Variants in ZSCAN25 observed in about 807,000 individuals in gnomAD.
ZSCAN25 encodes the protein zinc finger and SCAN domain-containing protein 25.
A neutral mutation model predicts 38.7 loss-of-function variants in ZSCAN25; 27 were observed. The ratio of observed to expected loss-of-function variants is 0.70; its 90% CI spans 0.51 to 0.96. ZSCAN25 has a LOEUF of 0.96. Among genes scored for constraint, ZSCAN25 ranks in the 40% least tolerant of loss-of-function variants. The pLI, the probability that ZSCAN25 is intolerant of heterozygous loss-of-function variation, is 0.00. For missense variants in ZSCAN25, 637 were observed against 705.9 expected (o/e 0.90, Z 1.11); for synonymous variants, 273 against 277.7 (o/e 0.98, Z 0.17).
the ZSCAN25 span, among the ~76,000 whole-genome samples, chr7:99,686,787 G>T: frequency 6.6e-6 from 1 of 152,010 alleles, no homozygotes; most frequent in African/African-American, 2.4e-5. Context: ...CACCTCACAC[G>T]GCCAGGTACT....
chr7:99,725,607 C>G, the ZSCAN25 span, among the ~76,000 whole-genome samples: 1 of 152,236 alleles, frequency 6.6e-6, no homozygotes, highest in Non-Finnish European at 1.5e-5. Flanking sequence ...AAGCCGTGCC[C>G]TGTCTGTGTG....
At chr7:99,706,440 T>C in the ZSCAN25 span, among the ~76,000 whole-genome samples, 1 of 152,294 alleles carries the variant, frequency 6.6e-6, no homozygotes, top group African/African-American at 2.4e-5. Context: ...AAGCCACAAA[T>C]AATGTGGAAT....
At chr7:99,663,894 A>G in the ZSCAN25 span, 5 of 1,491,926 alleles carry the variant, frequency 3.4e-6, no homozygotes, top group Non-Finnish European at 3.5e-6. Context: ...ATACAGATAC[A>G]TGCTCTATCA....
intron 7 of ZSCAN25, among the ~76,000 whole-genome samples, chr7:99,628,205 A>G (rs1473822372): frequency 6.6e-6 from 1 of 152,244 alleles, no homozygotes; most frequent in East Asian, 1.9e-4. Flanking sequence ...TATTTTCATG[A>G]AAAGTTTACA....
At chr7:99,646,821 C>T in the ZSCAN25 span, among the ~76,000 whole-genome samples, 28 of 151,886 alleles carry the variant, frequency 1.8e-4, no homozygotes, top group East Asian at 5.2e-3. Context: ...CACACACACA[C>T]ACACACACAC....
the ZSCAN25 span, chr7:99,679,897 C>T: frequency 1.4e-5 from 22 of 1,613,730 alleles, no homozygotes; most frequent in Non-Finnish European, 1.8e-5. Context: ...TGAGGTCCAT[C>T]GCCACTTTCC....
the ZSCAN25 span, chr7:99,685,011 G>C: frequency 1.5e-6 from 1 of 663,508 alleles, no homozygotes; most frequent in South Asian, 1.8e-5. Context: ...CAGAATCCCT[G>C]GTTATTTATG....
At chr7:99,720,413 C>T in the ZSCAN25 span, 3 of 1,613,474 alleles carry the variant, frequency 1.9e-6, no homozygotes, top group Non-Finnish European at 2.5e-6. Flanking sequence ...GTCATAAATA[C>T]TGTGTGGAGA....
At chr7:99,662,094 CA>C in the ZSCAN25 span, among the ~76,000 whole-genome samples, 216 of 152,204 alleles carry the variant, frequency 1.4e-3, 1 homozygote, top group African/African-American at 4.4e-3. This position sits in a 1 kb window ranked among gnomAD's most constrained non-coding sequence, Gnocchi z 4.3. Flanking sequence ...GATAGATAGA[CA>C]GACAGAAGTA....
At chr7:99,709,891 G>A in the ZSCAN25 span, among the ~76,000 whole-genome samples, 2 of 152,070 alleles carry the variant, frequency 1.3e-5, no homozygotes, top group Non-Finnish European at 2.9e-5. Context: ...TCAATAATTT[G>A]AGGAAAAACT....
downstream of ZSCAN25, among the ~76,000 whole-genome samples, chr7:99,633,402 C>A (rs1329633474): frequency 6.6e-6 from 1 of 152,074 alleles, no homozygotes; most frequent in African/African-American, 2.4e-5. Flanking sequence ...AAGAAATTTC[C>A]CTTCATTAAC....
the ZSCAN25 span, among the ~76,000 whole-genome samples, chr7:99,680,409 C>G: frequency 6.6e-6 from 1 of 152,282 alleles, no homozygotes; most frequent in East Asian, 1.9e-4. Flanking sequence ...TTTTCCTTAC[C>G]AACCTCCTCA....
chr7:99,660,214 C>CTTTTTTTTTTTTTTTTTTT, the ZSCAN25 span: 1 of 424,282 alleles, frequency 2.4e-6, no homozygotes, highest in Non-Finnish European at 2.8e-6. Flanking sequence ...CGCCACACTC[C>CTTTTTTTTTTTTTTTTTTT]TTTTTTTTTT....
chr7:99,650,193 G>A, the ZSCAN25 span: 4 of 1,613,930 alleles, frequency 2.5e-6, no homozygotes, highest in Admixed American at 1.7e-5. Context: ...CAAAGGGTGT[G>A]TATATGTAAG....
the ZSCAN25 span, chr7:99,717,777 T>C: frequency 9.7e-6 from 11 of 1,130,108 alleles, no homozygotes; most frequent in Non-Finnish European, 1.4e-5. Context: ...CTATGACAGA[T>C]GCTCAATAGG....
the ZSCAN25 span, among the ~76,000 whole-genome samples, chr7:99,650,853 CA>C: frequency 6.6e-6 from 1 of 152,250 alleles, no homozygotes; most frequent in African/African-American, 2.4e-5. Context: ...GTTACATGGG[CA>C]TATGATGCTA....
chr7:99,734,924 A>G, the ZSCAN25 span: 1 of 1,579,454 alleles, frequency 6.3e-7, no homozygotes, highest in Non-Finnish European at 8.7e-7. Context: ...GCCAGCCTGA[A>G]CATCCTTTTT....
chr7:99,680,289 C>A, the ZSCAN25 span, among the ~76,000 whole-genome samples: 2 of 152,132 alleles, frequency 1.3e-5, no homozygotes, highest in East Asian at 1.9e-4. Flanking sequence ...CAAGCCACAC[C>A]TACACATCTT....
chr7:99,660,483 G>A, the ZSCAN25 span: 1 of 1,595,456 alleles, frequency 6.3e-7, no homozygotes, highest in Non-Finnish European at 8.5e-7. Flanking sequence ...TTCATCTCCA[G>A]GGGTCATCCC....
Sources: gnomAD v4.1 joint callset for allele counts (sites outside exome capture counted in the v4.1 genomes callset) on GRCh38, gnomAD v4.1.1 for gene constraint, Gnocchi (gnomAD v3.1) non-coding constraint, MANE v1.5 for transcripts, NCBI Gene and HGNC (gene_info 2026-07-23, HGNC 2026-07-21) for gene names.